Variants in UNC5D observed in about 807,000 individuals in gnomAD.
UNC5D encodes the protein netrin receptor UNC5D.
Under a neutral mutation model 105.4 loss-of-function variants are expected in UNC5D, and 39 were observed. That is an observed-to-expected ratio of 0.37 (90% confidence interval 0.29 to 0.48). The LOEUF (loss-of-function observed/expected upper bound fraction) is 0.48. Among genes scored for constraint, UNC5D ranks in the 20% least tolerant of loss-of-function variants. The pLI, the probability that UNC5D is intolerant of heterozygous loss-of-function variation, is 0.98. For missense variants in UNC5D, 991 were observed against 1,202.4 expected (o/e 0.82, Z 2.60); for synonymous variants, 452 against 450.4 (o/e 1.00, Z -0.04).
intron 1 of UNC5D, among the ~76,000 whole-genome samples, chr8:35,380,271 G>A (rs1316711182): frequency 6.6e-6 from 1 of 150,784 alleles, no homozygotes; most frequent in Non-Finnish European, 1.5e-5. Flanking sequence ...GTCTCTTCAC[G>A]TAAGGTCCTA....
In UNC5D at chr8:35,759,460, T is replaced by G; in HGVS notation, c.2304T>G (p.Thr768=). 6.2e-7 allele frequency: 1 copy of G among 1,613,498 alleles called. No homozygotes were observed. Among genetic ancestry groups the G allele is most frequent in the Non-Finnish European group, 8.5e-7 (1 of 1,179,812 alleles). The change falls in exon 14 of 17, where the codon ACT becomes ACG. Residue 768 remains threonine (T), a synonymous_variant. Transcript: ENST00000404895. ...TCCTCTGGAGAATTAAACCATTCACTGCCTGCCAGGTACTGGCCAAATGGG... is the reference window on the plus strand; with the variant it reads ...TCCTCTGGAGAATTAAACCATTCACGGCCTGCCAGGTACTGGCCAAATGGG... ...PPFLWRIKPF[T]ACQEVPFSRV...
intron 1 of UNC5D, among the ~76,000 whole-genome samples, chr8:35,427,425 G>T (rs189861428): frequency 2.0e-4 from 31 of 152,252 alleles, no homozygotes; most frequent in African/African-American, 2.4e-5. Context: ...TCAGACTGCC[G>T]CTGTATGAAA....
At chr8:35,252,456 G>A (rs1428926131) in intron 1 of UNC5D, among the ~76,000 whole-genome samples, 3 of 152,136 alleles carry the variant, frequency 2.0e-5, no homozygotes, top group South Asian at 4.1e-4. Context: ...AAATATGTGT[G>A]TACTCCTAAA....
intron 4 of UNC5D, among the ~76,000 whole-genome samples, chr8:35,620,916 G>A (rs187970325): frequency 3.9e-5 from 6 of 152,248 alleles, no homozygotes; most frequent in African/African-American, 1.2e-4. Context: ...TTGGAGAAGC[G>A]TAAGATAGAG....
intron 10 of UNC5D, among the ~76,000 whole-genome samples, chr8:35,730,352 A>G (rs1435132131): frequency 6.6e-6 from 1 of 152,150 alleles, no homozygotes; most frequent in African/African-American, 2.4e-5. Flanking sequence ...TAGTTTTTCC[A>G]ATCTGACATT....
chr8:35,655,795 G>A (rs570464546), intron 4 of UNC5D, among the ~76,000 whole-genome samples: 17 of 152,268 alleles, frequency 1.1e-4, no homozygotes, highest in African/African-American at 3.9e-4. Flanking sequence ...GCAAGAGAGG[G>A]AGAGATGCCC....
At chr8:35,361,562 G>T (rs559679386) in intron 1 of UNC5D, among the ~76,000 whole-genome samples, 1 of 152,228 alleles carries the variant, frequency 6.6e-6, no homozygotes, top group Admixed American at 6.5e-5. Context: ...TCTTTTCGGT[G>T]GGGTATTGAC....
intron 1 of UNC5D, among the ~76,000 whole-genome samples, chr8:35,515,868 A>G (rs1813063752): frequency 6.6e-6 from 1 of 152,160 alleles, no homozygotes; most frequent in Admixed American, 6.5e-5. Flanking sequence ...CCATGCCATA[A>G]TAAGACCCCT....
intron 1 of UNC5D, among the ~76,000 whole-genome samples, chr8:35,509,653 C>T (rs1812568748): frequency 6.6e-6 from 1 of 151,058 alleles, no homozygotes; most frequent in Non-Finnish European, 1.5e-5. Flanking sequence ...TCTTCTTATT[C>T]TCTTCTTACC....
intron 1 of UNC5D, among the ~76,000 whole-genome samples, chr8:35,277,284 G>A (rs987127736): frequency 2.6e-5 from 4 of 152,182 alleles, no homozygotes; most frequent in African/African-American, 7.2e-5. Flanking sequence ...TAATAAATTA[G>A]CATTGAAACT....
intron 1 of UNC5D, among the ~76,000 whole-genome samples, chr8:35,427,882 G>C (rs1444834231): frequency 6.6e-6 from 1 of 152,162 alleles, no homozygotes; most frequent in Non-Finnish European, 1.5e-5. Flanking sequence ...AAAACTGTAA[G>C]CCACTGTATC....
intron 4 of UNC5D, among the ~76,000 whole-genome samples, chr8:35,638,848 G>A (rs1192354827): frequency 6.6e-6 from 1 of 152,046 alleles, no homozygotes; most frequent in Non-Finnish European, 1.5e-5. Context: ...CTCAGTCACA[G>A]TATGAAGAGT....
intron 1 of UNC5D, among the ~76,000 whole-genome samples, chr8:35,330,044 CTAAA>C (rs1253252873): frequency 1.3e-5 from 2 of 152,128 alleles, no homozygotes; most frequent in Non-Finnish European, 2.9e-5. Context: ...AAGGAGAAAA[CTAAA>C]TAATAATTGG....
chr8:35,565,554 C>G (rs529571495), intron 2 of UNC5D, among the ~76,000 whole-genome samples: 1 of 152,174 alleles, frequency 6.6e-6, no homozygotes, highest in Admixed American at 6.5e-5. Context: ...TCTGTTATTT[C>G]TTTTGCTGTG....
intron 1 of UNC5D, among the ~76,000 whole-genome samples, chr8:35,240,108 T>C (rs1014799197): frequency 7.9e-5 from 12 of 151,998 alleles, no homozygotes; most frequent in African/African-American, 2.7e-4. Context: ...GCTCAGTAAT[T>C]TTTTGTGTGT....
chr8:35,609,803 C>T (rs1820554477), intron 4 of UNC5D, among the ~76,000 whole-genome samples: 1 of 152,158 alleles, frequency 6.6e-6, no homozygotes, highest in African/African-American at 2.4e-5. Flanking sequence ...CTGTGGGGCT[C>T]ATGGGGTCAC....
chr8:35,285,146 T>C (rs990791249), intron 1 of UNC5D, among the ~76,000 whole-genome samples: 2 of 152,202 alleles, frequency 1.3e-5, no homozygotes, highest in African/African-American at 4.8e-5. Context: ...GACTTTCACC[T>C]CTGTGGCCTA....
rs560661711 is a variant in UNC5D, at chr8:35,631,367, A to G, written c.570+35710A>G. On this transcript the variant is annotated intron_variant, in intron 4 of 16. Transcript: ENST00000404895. The stretch of plus-strand genomic sequence containing the variant: ...TGCTTTGTTTTATAGAAGGCATGAA[A>G]TGAGACTCAGAGAGGCCTGATGATT... Among the ~76,000 whole-genome samples the G allele has an allele frequency of 1.2e-4, 18 of 152,312 alleles. No homozygotes were observed. The South Asian group carries it at 3.7e-3, about 32-fold the overall frequency.
At position 35,604,790 on chromosome 8, in the gene UNC5D, C is replaced by A. The variant is rs557311103; in HGVS notation, c.570+9133C>A. ...ACTTCTCTTCATGATTCATTTCATT[C>A]ATTTTGTCTTCCATCACTGATACCT... is the stretch of plus-strand genomic sequence containing the variant. On this transcript the variant is annotated intron_variant, in intron 4 of 16. Transcript: ENST00000404895. 1.7e-4 allele frequency among the ~76,000 whole-genome samples: 26 copies of A among 152,214 alleles called. No homozygotes were observed. In the Middle Eastern group the frequency reaches 0.01, roughly 60 times the overall value.
Sources: gnomAD v4.1 joint callset for allele counts (sites outside exome capture counted in the v4.1 genomes callset) on GRCh38, gnomAD v4.1.1 for gene constraint, MANE v1.5 for transcripts, NCBI Gene and HGNC (gene_info 2026-07-23, HGNC 2026-07-21) for gene names.